Variants in SETD7 observed in about 807,000 individuals in gnomAD.
SETD7 encodes histone-lysine N-methyltransferase SETD7.
In SETD7, 16 loss-of-function variants were observed where a neutral mutation model predicts 41.8. That is an observed-to-expected ratio of 0.38 (90% confidence interval 0.26 to 0.58). SETD7 has a LOEUF of 0.58. Ranked by LOEUF, SETD7 falls within the 20% of genes least tolerant of loss-of-function variation. The pLI is 0.64. For missense variants in SETD7, 346 were observed against 459.7 expected (o/e 0.75, Z 2.26); for synonymous variants, 163 against 169.7 (o/e 0.96, Z 0.31).
chr4:139,515,587 C>T (rs1263072968), intron 7 of SETD7, among the ~76,000 whole-genome samples: 2 of 152,226 alleles, frequency 1.3e-5, no homozygotes, highest in Non-Finnish European at 2.9e-5. Context: ...GCCTAATTCA[C>T]CCTGGCCATG....
intron 4 of SETD7, 84 bp downstream of exon 4, chr4:139,528,947 G>A: frequency 8.4e-7 from 1 of 1,188,082 alleles, no homozygotes; most frequent in Non-Finnish European, 1.2e-6. Flanking sequence ...ATACAGAGAG[G>A]AAAAGAAAAG....
At chr4:139,532,233 G>A (rs182398177) in intron 3 of SETD7, among the ~76,000 whole-genome samples, 1 of 152,326 alleles carries the variant, frequency 6.6e-6, no homozygotes, top group African/African-American at 2.4e-5. Context: ...CTTGAGCCCA[G>A]GAGTTCGAGA....
At chr4:139,512,810 TGCA>T (rs1726919758) in intron 7 of SETD7, among the ~76,000 whole-genome samples, 1 of 132,742 alleles carries the variant, frequency 7.5e-6, no homozygotes, top group Non-Finnish European at 1.5e-5. Context: ...CAGGCTGAAG[TGCA>T]GTGGCATGAT....
intron 7 of SETD7, among the ~76,000 whole-genome samples, chr4:139,500,736 T>C (rs2111108868): frequency 6.6e-6 from 1 of 152,326 alleles, no homozygotes; most frequent in South Asian, 2.1e-4. Flanking sequence ...CTCAAACTCC[T>C]GACCTCAGAT....
In SETD7 at chr4:139,508,916, T is replaced by TTAAA. The variant is rs1726782234; in HGVS notation, c.*2746_*2747insTTTA. 1 of 152,096 alleles carries TTAAA rather than the reference T, an allele frequency of 6.6e-6. No individual in the cohort carries two copies. Among genetic ancestry groups the TTAAA allele is most frequent in the Non-Finnish European group, 1.5e-5 (1 of 68,064 alleles). The allele number at this position is 152,096 out of a possible 1,614,324, so 9.4% of individuals were successfully genotyped here. On this transcript the variant is annotated 3_prime_UTR_variant, in exon 8 of 8. Transcript: ENST00000274031. ...CCCTACCTACAGAACTCAGTGAATCTCAAGCCTTACTCCGATTCCAACCTG... is the reference window on the plus strand; with the variant it reads ...CCCTACCTACAGAACTCAGTGAATCTTAAACAAGCCTTACTCCGATTCCAACCTG...
intron 7 of SETD7, among the ~76,000 whole-genome samples, chr4:139,517,412 T>C (rs1314821291): frequency 6.9e-6 from 1 of 145,806 alleles, no homozygotes; most frequent in African/African-American, 2.7e-5. Flanking sequence ...GAGGCAGAGG[T>C]TGCGGTGAGC....
downstream of SETD7, among the ~76,000 whole-genome samples, chr4:139,494,228 C>T (rs571775354): frequency 1.1e-4 from 17 of 152,232 alleles, no homozygotes; most frequent in African/African-American, 4.1e-4. Flanking sequence ...GCACAAAGAT[C>T]ATAGGTAATA....
chr4:139,525,344 T>G (rs1727296230), intron 4 of SETD7, among the ~76,000 whole-genome samples: 2 of 152,228 alleles, frequency 1.3e-5, no homozygotes, highest in East Asian at 1.9e-4. Context: ...TGTCTCTTCT[T>G]CTGCTGCCTT....
chr4:139,534,932 G>A (rs1727597509), intron 2 of SETD7, among the ~76,000 whole-genome samples: 1 of 152,186 alleles, frequency 6.6e-6, no homozygotes. Context: ...TGGTTAAAAG[G>A]TAATTATACT....
Position 139,511,801 on chromosome 4 carries a change from G to A in SETD7, c.963C>T (p.Thr321=). Residue 321 remains threonine, a synonymous_variant, in exon 8 of 8, where the codon ACC becomes ACT. Coordinates refer to ENST00000274031, the MANE Select transcript of SETD7 (RefSeq NM_030648.4). ...CTTCATCGGCCTCCACTGCTCTCAGGGTGCGGATGCATTTGATGGGCCCAA... is the reference window on the plus strand; with the variant it reads ...CTTCATCGGCCTCCACTGCTCTCAGAGTGCGGATGCATTTGATGGGCCCAA... ...PRFGPIKCIR[T]LRAVEADEEL... 1 of 1,613,934 alleles carries A rather than the reference G, an allele frequency of 6.2e-7. No individual in the cohort carries two copies. The highest frequency in any genetic ancestry group is 1.1e-5 in the South Asian group (1 of 91,050).
At position 139,509,649 on chromosome 4, in the gene SETD7, T is replaced by C. The variant is rs2111118807; in HGVS notation, c.*2014A>G. The C allele has an allele frequency of 1.0e-6, 1 of 966,878 alleles. No individual in the cohort carries two copies. The highest frequency in any genetic ancestry group is 4.8e-5 in the South Asian group (1 of 20,900). The allele number at this position is 966,878 out of a possible 1,614,324, so 59.9% of individuals were successfully genotyped here. ...TCGAGGTTAATGCAAGCCATCTTTCTCCTGAAGACAGTCACTCCCTTTGGG... is the reference window on the plus strand; with the variant it reads ...TCGAGGTTAATGCAAGCCATCTTTCCCCTGAAGACAGTCACTCCCTTTGGG... On this transcript the variant is annotated 3_prime_UTR_variant, in exon 8 of 8. Coordinates refer to ENST00000274031, the MANE Select transcript of SETD7 (RefSeq NM_030648.4).
At chr4:139,549,105 A>C (rs968690476) in intron 1 of SETD7, among the ~76,000 whole-genome samples, 23 of 152,210 alleles carry the variant, frequency 1.5e-4, no homozygotes, top group African/African-American at 5.5e-4. Flanking sequence ...TAGGCATATA[A>C]ATTCAGTGTC....
downstream of SETD7, among the ~76,000 whole-genome samples, chr4:139,504,988 A>G (rs1314479956): frequency 2.6e-5 from 4 of 152,144 alleles, no homozygotes; most frequent in African/African-American, 7.2e-5. Context: ...TGCCTGAAAG[A>G]TCTAGCATGT....
chr4:139,538,090 C>T (rs1727687257), intron 2 of SETD7, among the ~76,000 whole-genome samples: 1 of 151,778 alleles, frequency 6.6e-6, no homozygotes, highest in African/African-American at 2.4e-5. Flanking sequence ...TTATGAAACA[C>T]TGAAATAAAG....
chr4:139,518,956 C>A (rs977055177), intron 6 of SETD7, among the ~76,000 whole-genome samples: 1 of 152,202 alleles, frequency 6.6e-6, no homozygotes, highest in Non-Finnish European at 1.5e-5. Flanking sequence ...TGTTGACTCT[C>A]AAGGTATACC....
At chr4:139,494,736 A>T (rs1376910555), downstream of SETD7, among the ~76,000 whole-genome samples, 1 of 152,244 alleles carries the variant, frequency 6.6e-6, no homozygotes, top group Non-Finnish European at 1.5e-5. Context: ...CACATGCCTT[A>T]TGCCTATGGA....
intron 7 of SETD7, among the ~76,000 whole-genome samples, chr4:139,517,362 C>T (rs1169352994): frequency 6.6e-6 from 1 of 151,772 alleles, no homozygotes. Context: ...GTAATCCCAG[C>T]TACTTGAGAG....
intron 3 of SETD7, among the ~76,000 whole-genome samples, chr4:139,529,477 T>C (rs1028297491): frequency 4.6e-5 from 7 of 152,226 alleles, no homozygotes; most frequent in Admixed American, 3.3e-4. Context: ...GGAAATTCCG[T>C]TGCAGTTTGT....
rs1473329370 is a variant in SETD7, at chr4:139,524,807, AACC to A, written c.563-1375_563-1373del. Among the ~76,000 whole-genome samples, 21 of 152,226 alleles carry A rather than the reference AACC, an allele frequency of 1.4e-4. No homozygotes were observed. The East Asian group carries it at 4.1e-3, about 29-fold the overall frequency. ...CCAAGCAATCCACGAAAAGCATTTA[AACC>A]ACCCTCCCCCACTTTTTTTTTCTTT... On this transcript the variant is annotated intron_variant, in intron 4 of 7. Coordinates refer to ENST00000274031, the MANE Select transcript of SETD7 (RefSeq NM_030648.4).
Sources: allele counts gnomAD v4.1 joint callset (sites outside exome capture counted in the v4.1 genomes callset), GRCh38; gene constraint gnomAD v4.1.1; transcripts MANE v1.5; gene names NCBI Gene and HGNC (gene_info 2026-07-23, HGNC 2026-07-21).